Variants in SND1 observed in about 807,000 individuals in gnomAD.
The protein encoded by SND1 is staphylococcal nuclease and tudor domain containing 1.
A neutral mutation model predicts 121.7 loss-of-function variants in SND1; 38 were observed. The ratio of observed to expected loss-of-function variants is 0.31; its 90% CI spans 0.24 to 0.41. The LOEUF (loss-of-function observed/expected upper bound fraction) is 0.41. Ranked by LOEUF, SND1 falls within the 10% of genes least tolerant of loss-of-function variation. The probability of loss-of-function intolerance (pLI) is 1.00; values close to 1 mark genes in which losing one functional copy is unlikely to be tolerated. For missense variants in SND1, 868 were observed against 1,184.6 expected (o/e 0.73, Z 3.92); for synonymous variants, 401 against 447.4 (o/e 0.90, Z 1.31).
chr7:128,022,040 C>A (rs937999185), intron 16 of SND1, among the ~76,000 whole-genome samples: 1 of 151,774 alleles, frequency 6.6e-6, no homozygotes, highest in Non-Finnish European at 1.5e-5. Flanking sequence ...CCCGTCTCTA[C>A]TAAAAATACA....
At chr7:128,071,277 C>T (rs964821419) in intron 16 of SND1, among the ~76,000 whole-genome samples, 1 of 152,196 alleles carries the variant, frequency 6.6e-6, no homozygotes, top group Non-Finnish European at 1.5e-5. Context: ...AAACACAGAA[C>T]AAGGTTATTT....
At chr7:127,926,549 CTTTTTTTTTTTT>C (rs71160605) in intron 14 of SND1, among the ~76,000 whole-genome samples, 1 of 90,558 alleles carries the variant, frequency 1.1e-5, no homozygotes, top group Non-Finnish European at 2.0e-5. Flanking sequence ...TTTTCTTTTT[CTTTTTTTTTTTT>C]TTTTTTTTTT....
chr7:127,665,776 C>G (rs1389969237), intron 1 of SND1, among the ~76,000 whole-genome samples: 1 of 152,118 alleles, frequency 6.6e-6, no homozygotes, highest in Non-Finnish European at 1.5e-5. Context: ...GCGGGAATTA[C>G]TGTTTTATAG....
chr7:127,910,363 T>G (rs1223336621), intron 14 of SND1, among the ~76,000 whole-genome samples: 1 of 152,018 alleles, frequency 6.6e-6, no homozygotes, highest in Non-Finnish European at 1.5e-5. Context: ...GAGAATTGCT[T>G]GAACCTGGGA....
At position 127,721,333 on chromosome 7, in the gene SND1, C is replaced by T; in HGVS notation, c.1085C>T (p.Ser362Leu). 3 of 1,613,758 alleles carry T rather than the reference C, an allele frequency of 1.9e-6. No individual in the cohort carries two copies. The highest frequency in any genetic ancestry group is 2.5e-6 in the Non-Finnish European group (3 of 1,179,838). Residue 362 changes from serine (S) to leucine (L), a missense_variant, in exon 10 of 24, where the codon TCA (serine) becomes TTA (leucine). By Grantham distance (145) the Ser-to-Leu change is moderately radical (BLOSUM62 -2). Transcript: ENST00000354725. ...NADAIVVKLNSGDYKTIHLSS... is the reference protein window; with the variant it reads ...NADAIVVKLNLGDYKTIHLSS... Reference sequence around the variant, plus strand: ...GATGCCATTGTTGTGAAGCTGAACTCAGGCGATTACAAGACGATTCACCTG... The same window carrying T: ...GATGCCATTGTTGTGAAGCTGAACTTAGGCGATTACAAGACGATTCACCTG...
chr7:127,866,773 C>G (rs1379817904), intron 12 of SND1, among the ~76,000 whole-genome samples: 1 of 152,186 alleles, frequency 6.6e-6, no homozygotes, highest in Non-Finnish European at 1.5e-5. Flanking sequence ...CTTCCTATCA[C>G]TGTCAGCAGT....
chr7:127,949,859 C>G (rs1801421101), intron 15 of SND1, among the ~76,000 whole-genome samples: 1 of 152,188 alleles, frequency 6.6e-6, no homozygotes, highest in Non-Finnish European at 1.5e-5. Flanking sequence ...TTTGTTTTGC[C>G]TTTCCCTTGT....
chr7:127,975,772 T>C (rs1248951823), intron 15 of SND1, among the ~76,000 whole-genome samples: 1 of 152,172 alleles, frequency 6.6e-6, no homozygotes, highest in Admixed American at 6.5e-5. Context: ...TGCCCTGGCA[T>C]GAGACTTTCT....
rs1020886740 is a variant in SND1, at chr7:128,080,042, C to CCAAG, written c.1969-1317_1969-1314dup. Reference sequence around the variant, plus strand: ...TCCCATTTGTAAAACAGGGATAATACCAAGACCTACTCAAAGGGTTGTTGT... The same window carrying CCAAG: ...TCCCATTTGTAAAACAGGGATAATACCAAGCAAGACCTACTCAAAGGGTTGTTGT... On this transcript the variant is annotated intron_variant, in intron 17 of 23. Coordinates refer to ENST00000354725, the MANE Select transcript of SND1 (RefSeq NM_014390.4). Among the ~76,000 whole-genome samples, 104 of 152,326 alleles carry CCAAG rather than the reference C, an allele frequency of 6.8e-4. 1 individual carries two copies. Among genetic ancestry groups the CCAAG allele is most frequent in the African/African-American group, 2.2e-3 (93 of 41,574 alleles).
intron 11 of SND1, 133 bp from the exon 12 acceptor site, chr7:127,844,191 G>A (rs1219043896): frequency 4.6e-5 from 23 of 498,130 alleles, no homozygotes; most frequent in Non-Finnish European, 3.5e-6. Flanking sequence ...TCTTTTAATT[G>A]GTTTTAAAAA....
chr7:127,985,954 C>G (rs1802377179), intron 15 of SND1, among the ~76,000 whole-genome samples: 1 of 152,184 alleles, frequency 6.6e-6, no homozygotes, highest in South Asian at 2.1e-4. Context: ...AGTTTTGTCT[C>G]CTTCAGCTAA....
At chr7:127,676,029 G>T (rs1795610521) in intron 1 of SND1, among the ~76,000 whole-genome samples, 1 of 152,198 alleles carries the variant, frequency 6.6e-6, no homozygotes, top group Non-Finnish European at 1.5e-5. Context: ...GTTTTCGATT[G>T]TGAAGTCTAA....
intron 10 of SND1, among the ~76,000 whole-genome samples, chr7:127,776,179 G>A (rs1324280268): frequency 6.6e-6 from 1 of 152,202 alleles, no homozygotes; most frequent in Non-Finnish European, 1.5e-5. Context: ...CTTTCATCTA[G>A]CAGTTTTAGA....
At chr7:127,708,693 A>C (rs1280242068) in intron 9 of SND1, among the ~76,000 whole-genome samples, 3 of 152,108 alleles carry the variant, frequency 2.0e-5, no homozygotes, top group Non-Finnish European at 4.4e-5. Flanking sequence ...CAGTGCTATA[A>C]AAATGTTTTT....
intron 16 of SND1, among the ~76,000 whole-genome samples, chr7:127,994,884 T>G (rs566738055): frequency 5.3e-5 from 8 of 152,006 alleles, no homozygotes; most frequent in Admixed American, 2.0e-4. Context: ...GCTAATTTTT[T>G]TTTTTGTTTT....
In SND1 at chr7:127,840,070, G is replaced by A. The variant is rs111844108; in HGVS notation, c.1243-4254G>A. On this transcript the variant is annotated intron_variant, in intron 11 of 23. Coordinates refer to ENST00000354725, the MANE Select transcript of SND1 (RefSeq NM_014390.4). ...TACTCATGCAACAAACATTTACAGCGTAGTCTCCTGCCTTACAGGCCCATG... is the reference window on the plus strand; with the variant it reads ...TACTCATGCAACAAACATTTACAGCATAGTCTCCTGCCTTACAGGCCCATG... 2.9e-3 allele frequency among the ~76,000 whole-genome samples: 445 copies of A among 152,280 alleles called. 1 individual carries two copies. Among genetic ancestry groups the A allele is most frequent in the African/African-American group, 1.0e-2 (415 of 41,558 alleles).
intron 11 of SND1, among the ~76,000 whole-genome samples, chr7:127,825,004 C>T (rs1000150609): frequency 6.6e-6 from 1 of 152,182 alleles, no homozygotes; most frequent in Non-Finnish European, 1.5e-5. Flanking sequence ...GGGTTGATTA[C>T]AAGCCAGCTG....
At chr7:127,771,970 A>G (rs1036623686) in intron 10 of SND1, among the ~76,000 whole-genome samples, 1 of 152,112 alleles carries the variant, frequency 6.6e-6, no homozygotes, top group African/African-American at 2.4e-5. Context: ...GTACTTTCCT[A>G]TCCATCAGAT....
intron 10 of SND1, among the ~76,000 whole-genome samples, chr7:127,788,613 T>G (rs1246301948): frequency 2.6e-5 from 4 of 152,186 alleles, no homozygotes. Flanking sequence ...CCCACTAAAA[T>G]CTGACTGAAA....
Sources: gnomAD v4.1 joint callset for allele counts (sites outside exome capture counted in the v4.1 genomes callset) on GRCh38, gnomAD v4.1.1 for gene constraint, MANE v1.5 for transcripts, NCBI Gene and HGNC (gene_info 2026-07-23, HGNC 2026-07-21) for gene names.